Variants in RNF220 observed in about 807,000 individuals in gnomAD.
RNF220 encodes ring finger protein 220.
In RNF220, 7 loss-of-function variants were observed where a neutral mutation model predicts 67.1. The observed-to-expected ratio is 0.10, with a 90% CI of 0.06 to 0.20. The LOEUF is 0.20. Ranked by LOEUF, RNF220 falls within the 10% of genes least tolerant of loss-of-function variation. The probability of loss-of-function intolerance (pLI) is 1.00; values close to 1 mark genes in which losing one functional copy is unlikely to be tolerated. For synonymous variants in RNF220, 270 were observed against 283.2 expected (o/e 0.95, Z 0.47); for missense variants, 565 against 740.3 (o/e 0.76, Z 2.75).
chr1:44,411,677 T>C (rs1647978142), intron 1 of RNF220, among the ~76,000 whole-genome samples: 1 of 152,220 alleles, frequency 6.6e-6, no homozygotes, highest in African/African-American at 2.4e-5. Flanking sequence ...CAAAGCTCAT[T>C]TGTTCAGAGA....
intron 2 of RNF220, among the ~76,000 whole-genome samples, chr1:44,499,455 A>G (rs992162842): frequency 4.6e-5 from 7 of 151,842 alleles, no homozygotes; most frequent in South Asian, 2.1e-4. Flanking sequence ...TATCATACTC[A>G]ATCTGTCACT....
At chr1:44,646,452 C>T (rs1451247517) in intron 12 of RNF220, among the ~76,000 whole-genome samples, 8 of 152,376 alleles carry the variant, frequency 5.3e-5, no homozygotes, top group East Asian at 1.9e-4. Context: ...GCAGCTGCTC[C>T]GTGTCAGCGC....
chr1:44,487,701 ATAATAATAACAAT>A (rs1656441437), intron 2 of RNF220, among the ~76,000 whole-genome samples: 1 of 148,362 alleles, frequency 6.7e-6, no homozygotes, highest in Non-Finnish European at 1.5e-5. Flanking sequence ...AATAATAATA[ATAATAATAACAAT>A]AATAATAATA....
At chr1:44,581,324 C>T (rs1393148220) in intron 2 of RNF220, among the ~76,000 whole-genome samples, 3 of 152,342 alleles carry the variant, frequency 2.0e-5, no homozygotes, top group Non-Finnish European at 2.9e-5. Flanking sequence ...TCAGCCTCTA[C>T]GCCGGCAGGA....
chr1:44,563,232 CAGGGGCG>C (rs150812155), intron 2 of RNF220, among the ~76,000 whole-genome samples: 12,179 of 152,260 alleles, frequency 0.08, 662 homozygotes, highest in Middle Eastern at 0.14. Flanking sequence ...CCTAGGTCCT[CAGGGGCG>C]AGGCTGGGCT....
intron 2 of RNF220, among the ~76,000 whole-genome samples, chr1:44,488,713 T>G (rs1656569163): frequency 6.7e-6 from 1 of 149,666 alleles, no homozygotes; most frequent in African/African-American, 2.5e-5. Flanking sequence ...TTAGCCTTTT[T>G]CTTTTTCTTT....
At chr1:44,626,755 C>A (rs1222091299) in intron 5 of RNF220, 4 of 218,594 alleles carry the variant, frequency 1.8e-5, no homozygotes, top group African/African-American at 4.6e-5. Context: ...AAGCATGATA[C>A]CGGCCGGGTG....
At chr1:44,472,323 C>G (rs1210680290) in intron 2 of RNF220, among the ~76,000 whole-genome samples, 1 of 152,208 alleles carries the variant, frequency 6.6e-6, no homozygotes, top group African/African-American at 2.4e-5. Flanking sequence ...GCACCATTTA[C>G]ACCATTCCTG....
In RNF220 at chr1:44,556,103, C is replaced by T. The variant is rs888520775; in HGVS notation, c.626-58062C>T. 4.0e-5 allele frequency among the ~76,000 whole-genome samples: 6 copies of T among 149,630 alleles called. 1 individual carries two copies. The highest frequency in any genetic ancestry group is 1.3e-4 in the African/African-American group (5 of 39,822). ...AGGCTGGAGTGCAGTGGCACAATCTCGGTACACTGCAACTTCCGCCTCCCA... is the reference window on the plus strand; with the variant it reads ...AGGCTGGAGTGCAGTGGCACAATCTTGGTACACTGCAACTTCCGCCTCCCA... On this transcript the variant is annotated intron_variant, in intron 2 of 14. Transcript: ENST00000361799.
intron 2 of RNF220, among the ~76,000 whole-genome samples, chr1:44,490,866 G>T (rs758253849): frequency 6.6e-6 from 1 of 150,432 alleles, no homozygotes; most frequent in Non-Finnish European, 1.5e-5. Context: ...CAAGAGAGAG[G>T]ACTCAAATTA....
At position 44,563,938 on chromosome 1, in the gene RNF220, G is replaced by A. The variant is rs140505308; in HGVS notation, c.626-50227G>A. On this transcript the variant is annotated intron_variant, in intron 2 of 14. Transcript: ENST00000361799. Reference sequence around the variant, plus strand: ...TATCTTCTCTTCACAGCTCCCTCCTGAGTTAGAGACCCACACTTACAGCTG... The same window carrying A: ...TATCTTCTCTTCACAGCTCCCTCCTAAGTTAGAGACCCACACTTACAGCTG... Among the ~76,000 whole-genome samples, 5 of 152,204 alleles carry A rather than the reference G, an allele frequency of 3.3e-5. No individual in the cohort carries two copies. The East Asian group carries it at 9.7e-4, about 29-fold the overall frequency.
At chr1:44,644,537 AG>A (rs1256736128) in intron 8 of RNF220, 160 bp from the exon 9 acceptor site, 1 of 595,788 alleles carries the variant, frequency 1.7e-6, no homozygotes, top group Non-Finnish European at 3.0e-6. Context: ...CTGAAATGTC[AG>A]GGTCAGGGGC....
At chr1:44,558,642 A>G (rs903892360) in intron 2 of RNF220, among the ~76,000 whole-genome samples, 1 of 152,210 alleles carries the variant, frequency 6.6e-6, no homozygotes, top group African/African-American at 2.4e-5. Flanking sequence ...ATGATAAATG[A>G]AGCAGAGAGG....
At position 44,531,261 on chromosome 1, in the gene RNF220, T is replaced by G. The variant is rs369336816; in HGVS notation, c.626-82904T>G. On this transcript the variant is annotated intron_variant, in intron 2 of 14. Transcript: ENST00000361799. ...TTCACAATCCAGCCCAAACTATTTC[T>G]TCTGTCCCATTTCTCATGCAGCTCA... is the stretch of plus-strand genomic sequence containing the variant. Among the ~76,000 whole-genome samples the G allele has an allele frequency of 8.5e-5, 13 of 152,334 alleles. No homozygotes were observed. The East Asian group carries it at 2.1e-3, about 25-fold the overall frequency.
chr1:44,479,798 T>A (rs1655633747), intron 2 of RNF220, among the ~76,000 whole-genome samples: 1 of 152,220 alleles, frequency 6.6e-6, no homozygotes, highest in African/African-American at 2.4e-5. Context: ...TGAATCCTGC[T>A]TGCAAACTAG....
At position 44,645,885 on chromosome 1, in the gene RNF220, ATTT is replaced by A. The variant is rs1644630300; in HGVS notation, c.1445+399_1445+401del. Among the ~76,000 whole-genome samples the A allele has an allele frequency of 6.6e-6, 1 of 152,114 alleles. No individual in the cohort carries two copies. The highest frequency in any genetic ancestry group is 1.5e-5 in the Non-Finnish European group (1 of 68,030). ...TTGTCCCGGGTGGCACTCGCAGTGG[ATTT>A]TAGGCAGGAACATTGGGTATCATCA... On this transcript the variant is annotated intron_variant, in intron 12 of 14. Transcript: ENST00000361799. The surrounding 1 kb of genome is among the most constrained non-coding windows in gnomAD (Gnocchi z 5.0).
chr1:44,568,901 G>A (rs1664231313), intron 2 of RNF220, among the ~76,000 whole-genome samples: 1 of 150,560 alleles, frequency 6.6e-6, no homozygotes, highest in South Asian at 2.1e-4. Flanking sequence ...ACAAAAGATG[G>A]TTTGGGTCCA....
chr1:44,538,651 C>G (rs1224633833), intron 2 of RNF220, among the ~76,000 whole-genome samples: 2 of 152,200 alleles, frequency 1.3e-5, no homozygotes, highest in African/African-American at 4.8e-5. Context: ...CGCAGTGGCT[C>G]ATGCCTGTAA....
At chr1:44,451,624 T>G (rs147279346) in intron 2 of RNF220, among the ~76,000 whole-genome samples, 323 of 152,302 alleles carry the variant, frequency 2.1e-3, no homozygotes, top group African/African-American at 7.4e-3. Flanking sequence ...TTTTTGATTT[T>G]ATTTTATTTT....
Sources: allele counts gnomAD v4.1 joint callset (sites outside exome capture counted in the v4.1 genomes callset), GRCh38; gene constraint gnomAD v4.1.1; non-coding constraint Gnocchi (gnomAD v3.1); transcripts MANE v1.5; gene names NCBI Gene and HGNC (gene_info 2026-07-23, HGNC 2026-07-21).